GRM8: variants seen among roughly 807,000 people sequenced by gnomAD.
GRM8 encodes the protein glutamate metabotropic receptor 8.
A neutral mutation model predicts 87.2 loss-of-function variants in GRM8; 47 were observed. That is an observed-to-expected ratio of 0.54 (90% confidence interval 0.43 to 0.69). GRM8 has a LOEUF of 0.69. Ranked by LOEUF, GRM8 falls within the 30% of genes least tolerant of loss-of-function variation. GRM8 has a pLI of 0.00. For synonymous variants in GRM8, 396 were observed against 404.5 expected (o/e 0.98, Z 0.25); for missense variants, 1,019 against 1,139.2 (o/e 0.89, Z 1.52).
At chr7:126,656,212 A>G (rs1166995179) in intron 7 of GRM8, among the ~76,000 whole-genome samples, 1 of 152,178 alleles carries the variant, frequency 6.6e-6, no homozygotes, top group African/African-American at 2.4e-5. Flanking sequence ...AACTAGAGTA[A>G]CTTGCTGACT....
At chr7:127,061,314 C>A (rs541449912) in intron 3 of GRM8, among the ~76,000 whole-genome samples, 1 of 152,254 alleles carries the variant, frequency 6.6e-6, no homozygotes, top group Admixed American at 6.5e-5. Context: ...TCATTTCGTG[C>A]AGTTACTTAT....
At position 126,960,271 on chromosome 7, in the gene GRM8, G is replaced by A. The variant is rs536842882; in HGVS notation, c.728-55588C>T. ...GTAAAGTCACAATTAGCATAAGTCT[G>A]TACAAATGAAAACCAATTTACTAAT... On this transcript the variant is annotated intron_variant, in intron 3 of 10. Transcript: ENST00000339582. 2.8e-4 allele frequency among the ~76,000 whole-genome samples: 42 copies of A among 152,242 alleles called. 1 individual carries two copies. In the South Asian group the frequency reaches 8.1e-3, roughly 29 times the overall value.
intron 3 of GRM8, among the ~76,000 whole-genome samples, chr7:127,063,193 C>T (rs755452552): frequency 4.0e-5 from 6 of 151,512 alleles, no homozygotes; most frequent in Non-Finnish European, 2.9e-5. Flanking sequence ...GCAGAGCTTG[C>T]AGTGAGCCGA....
chr7:126,872,048 G>A (rs1799145728), intron 6 of GRM8, among the ~76,000 whole-genome samples: 1 of 152,138 alleles, frequency 6.6e-6, no homozygotes, highest in Non-Finnish European at 1.5e-5. Flanking sequence ...GACCCTCACA[G>A]AGTAAACTTG....
At chr7:127,225,471 C>A (rs1797262430) in intron 2 of GRM8, among the ~76,000 whole-genome samples, 1 of 138,704 alleles carries the variant, frequency 7.2e-6, no homozygotes, top group Admixed American at 7.1e-5. Flanking sequence ...GCTTTGTGTG[C>A]AACCTATCTG....
chr7:126,541,058 G>A (rs766831159), intron 8 of GRM8, among the ~76,000 whole-genome samples: 1 of 152,192 alleles, frequency 6.6e-6, no homozygotes, highest in Admixed American at 6.5e-5. Flanking sequence ...AGTTCAATGT[G>A]AGAATTCAAC....
intron 3 of GRM8, among the ~76,000 whole-genome samples, chr7:126,974,542 A>G (rs12669815): frequency 0.11 from 16,743 of 152,172 alleles, 1,003 homozygotes; most frequent in East Asian, 0.21. Context: ...AAATATGGGG[A>G]AAAAAGTACA....
chr7:126,474,005 A>C (rs753489727), intron 9 of GRM8, among the ~76,000 whole-genome samples: 1 of 152,068 alleles, frequency 6.6e-6, no homozygotes, highest in South Asian at 2.1e-4. Context: ...CCAGTCTCAG[A>C]TATTTCTTCA....
intron 7 of GRM8, among the ~76,000 whole-genome samples, chr7:126,716,957 C>T (rs890788288): frequency 6.6e-5 from 10 of 152,036 alleles, no homozygotes; most frequent in African/African-American, 2.2e-4. Context: ...ATAAGAGTTC[C>T]TTAAAATCTT....
chr7:127,230,325 C>T (rs1271007148), intron 2 of GRM8, among the ~76,000 whole-genome samples: 2 of 152,090 alleles, frequency 1.3e-5, no homozygotes, highest in African/African-American at 4.8e-5. Flanking sequence ...GAAGTTTTGT[C>T]ATAGCAGAGA....
At chr7:127,003,443 T>C (rs549778689) in intron 3 of GRM8, among the ~76,000 whole-genome samples, 1 of 151,728 alleles carries the variant, frequency 6.6e-6, no homozygotes, top group Non-Finnish European at 1.5e-5. Flanking sequence ...GGCATCCAGA[T>C]GGAGAATTAG....
chr7:126,644,081 C>T (rs774431546), intron 7 of GRM8, among the ~76,000 whole-genome samples: 1 of 152,148 alleles, frequency 6.6e-6, no homozygotes, highest in Non-Finnish European at 1.5e-5. Flanking sequence ...CTTCTAAAGT[C>T]GATGGTGAAT....
chr7:126,871,329 T>C (rs922708658), intron 6 of GRM8, among the ~76,000 whole-genome samples: 3 of 152,226 alleles, frequency 2.0e-5, no homozygotes, highest in Non-Finnish European at 2.9e-5. Context: ...AGTGTACAAA[T>C]AGTTAACAAT....
chr7:127,046,313 A>G (rs1818920119), intron 3 of GRM8, among the ~76,000 whole-genome samples: 2 of 152,150 alleles, frequency 1.3e-5, no homozygotes, highest in African/African-American at 4.8e-5. Flanking sequence ...CGGAGCTTGC[A>G]GTGAGCCGAG....
chr7:126,457,030 T>C (rs1803326525), intron 9 of GRM8, among the ~76,000 whole-genome samples: 1 of 151,434 alleles, frequency 6.6e-6, no homozygotes, highest in African/African-American at 2.4e-5. Flanking sequence ...AGAAAATACA[T>C]AATACGATAT....
At chr7:126,443,358 C>T (rs941996165) in intron 10 of GRM8, among the ~76,000 whole-genome samples, 4 of 152,006 alleles carry the variant, frequency 2.6e-5, no homozygotes, top group East Asian at 1.9e-4. Flanking sequence ...CATCCAGCTT[C>T]GTATTACTTA....
chr7:127,079,149 C>A (rs563177432), intron 3 of GRM8, among the ~76,000 whole-genome samples: 4 of 151,884 alleles, frequency 2.6e-5, no homozygotes, highest in South Asian at 4.2e-4. Context: ...GAGACAGAGT[C>A]TTGCTCTGTC....
intron 2 of GRM8, among the ~76,000 whole-genome samples, chr7:127,187,441 C>T (rs1380694989): frequency 1.3e-5 from 2 of 152,122 alleles, no homozygotes; most frequent in African/African-American, 4.8e-5. Context: ...GAAATAAGAA[C>T]TGCATGTCTG....
intron 6 of GRM8, among the ~76,000 whole-genome samples, chr7:126,840,094 A>G (rs1341102228): frequency 6.6e-6 from 1 of 152,174 alleles, no homozygotes; most frequent in African/African-American, 2.4e-5. Flanking sequence ...TCAGGTATCC[A>G]TCTGGGATCA....
Sources: gnomAD v4.1 joint callset for allele counts (sites outside exome capture counted in the v4.1 genomes callset) on GRCh38, gnomAD v4.1.1 for gene constraint, MANE v1.5 for transcripts, NCBI Gene and HGNC (gene_info 2026-07-23, HGNC 2026-07-21) for gene names.